The following GLYAT variants were observed in gnomAD, a reference collection of about 807,000 sequenced individuals.
GLYAT encodes glycine-N-acyltransferase, also known as glycine N-acyltransferase.
GLYAT carries 25 observed loss-of-function variants against 22.8 expected under a neutral mutation model. The ratio of observed to expected loss-of-function variants is 1.09; its 90% CI spans 0.80 to 1.53. GLYAT has a LOEUF of 1.53. Ranked by LOEUF, GLYAT falls within the 40% of genes most tolerant of loss-of-function variation. The pLI is 0.00. For missense variants in GLYAT, 411 were observed against 353.9 expected, an observed-to-expected ratio of 1.16 and a Z score of -1.29; for synonymous variants, 140 against 122.7, an observed-to-expected ratio of 1.14 and a Z score of -0.93.
At chr11:58,725,151 C>A (rs151256010) in intron 1 of GLYAT, among the ~76,000 whole-genome samples, 1 of 152,100 alleles carries the variant, frequency 6.6e-6, no homozygotes. Context: ...AAACAATTAA[C>A]CTTTCAAAAA....
At chr11:58,720,835 T>G (rs1856740365) in intron 2 of GLYAT, among the ~76,000 whole-genome samples, 1 of 152,164 alleles carries the variant, frequency 6.6e-6, no homozygotes, top group Non-Finnish European at 1.5e-5. Flanking sequence ...TGAAATTTGC[T>G]TGATTAATAA....
intron 2 of GLYAT, among the ~76,000 whole-genome samples, chr11:58,721,576 C>T (rs1856750648): frequency 6.6e-6 from 1 of 152,006 alleles, no homozygotes; most frequent in African/African-American, 2.4e-5. Context: ...AACATGCACA[C>T]ATGAACACAT....
At chr11:58,711,527 G>A (rs1423729567) in intron 4 of GLYAT, among the ~76,000 whole-genome samples, 2 of 152,146 alleles carry the variant, frequency 1.3e-5, no homozygotes, top group Admixed American at 6.5e-5. Flanking sequence ...TTTTACCTAA[G>A]CAAAAACATG....
chr11:58,731,314 A>T (rs1352852964), intron 1 of GLYAT, among the ~76,000 whole-genome samples: 1 of 152,196 alleles, frequency 6.6e-6, no homozygotes, highest in Non-Finnish European at 1.5e-5. Flanking sequence ...ACCTGCTTCC[A>T]AGAAGCTCTC....
intron 2 of GLYAT, among the ~76,000 whole-genome samples, chr11:58,722,973 AATGCTATTTCCTC>A (rs1210665951): frequency 6.6e-6 from 1 of 152,040 alleles, no homozygotes; most frequent in Non-Finnish European, 1.5e-5. Context: ...AAAGAGGAGG[AATGCTATTTCCTC>A]ATGAAAGGGA....
chr11:58,717,030 A>G (rs1856689650), intron 2 of GLYAT, among the ~76,000 whole-genome samples: 1 of 152,134 alleles, frequency 6.6e-6, no homozygotes, highest in South Asian at 2.1e-4. Context: ...CAAAGGAGGC[A>G]ATCAGATATA....
chr11:58,713,415 A>G (rs1856640930), intron 3 of GLYAT, among the ~76,000 whole-genome samples: 1 of 152,162 alleles, frequency 6.6e-6, no homozygotes, highest in East Asian at 1.9e-4. Context: ...ATCATCCTCA[A>G]CAGGAAGAAG....
chr11:58,723,483 A>G (rs906129191), intron 2 of GLYAT, among the ~76,000 whole-genome samples: 1 of 152,110 alleles, frequency 6.6e-6, no homozygotes, highest in African/African-American at 2.4e-5. Flanking sequence ...CAAATAAAAG[A>G]ATGCTAATAT....
At chr11:58,711,112 T>C (rs546947878) in intron 4 of GLYAT, among the ~76,000 whole-genome samples, 141 of 152,364 alleles carry the variant, frequency 9.3e-4, no homozygotes, top group African/African-American at 3.2e-3. Flanking sequence ...GGCATACTTA[T>C]ACTGGTCCAA....
intron 1 of GLYAT, among the ~76,000 whole-genome samples, chr11:58,727,223 G>A (rs1192387764): frequency 1.3e-5 from 2 of 152,128 alleles, no homozygotes; most frequent in Non-Finnish European, 2.9e-5. Flanking sequence ...AAGCTTGTAG[G>A]ATAAAAACAC....
At chr11:58,728,941 G>T (rs188551272) in intron 1 of GLYAT, among the ~76,000 whole-genome samples, 1 of 140,944 alleles carries the variant, frequency 7.1e-6, no homozygotes, top group Non-Finnish European at 1.6e-5. Context: ...AAGGAAGGAA[G>T]GAAGGAGAGA....
At chr11:58,729,187 C>G (rs1260839352) in intron 1 of GLYAT, among the ~76,000 whole-genome samples, 1 of 152,120 alleles carries the variant, frequency 6.6e-6, no homozygotes, top group Non-Finnish European at 1.5e-5. Context: ...TCTGGTCTTT[C>G]TACATTTATT....
intron 1 of GLYAT, among the ~76,000 whole-genome samples, chr11:58,730,700 G>A (rs1338110908): frequency 6.6e-6 from 1 of 152,160 alleles, no homozygotes; most frequent in South Asian, 2.1e-4. Context: ...CCCACAGCAA[G>A]TTAAAGGTTA....
Position 58,728,851 on chromosome 11 carries a change from G to GAAAGAAAGA in GLYAT, c.-16+2983_-16+2984insTCTTTCTTT, listed in dbSNP as rs370676185. 8.8e-5 allele frequency: 8 copies of GAAAGAAAGA among 90,722 alleles called. No homozygotes were observed. In the East Asian group the frequency reaches 2.7e-3, roughly 31 times the overall value. 5.6% of individuals were successfully genotyped at this position (90,722 alleles called of 1,614,324 possible). A position where few individuals can be genotyped will look rare whatever the true frequency, so the allele number is the denominator to read the frequency against. Reference sequence around the variant, plus strand: ...AAGAAAAAGAAAAAAAGGAAAGAAAGAAGAAAGAAAGAAAGAAAGAAAGAA... The same window carrying GAAAGAAAGA: ...AAGAAAAAGAAAAAAAGGAAAGAAAGAAAGAAAGAAAGAAAGAAAGAAAGAAAGAAAGAA... On this transcript the variant is annotated intron_variant, in intron 1 of 5. Transcript: ENST00000344743.
chr11:58,721,700 C>T lies in GLYAT; in HGVS notation c.81+2716G>A, dbSNP rs555866677. On this transcript the variant is annotated intron_variant, in intron 2 of 5. Transcript: ENST00000344743. Reference sequence around the variant, plus strand: ...ATATTTCAGTTAGGACCAAATGCTGCTTTTTCAGAAGTACAGCCATTGCTC... The same window carrying T: ...ATATTTCAGTTAGGACCAAATGCTGTTTTTTCAGAAGTACAGCCATTGCTC... 3.3e-5 allele frequency among the ~76,000 whole-genome samples: 5 copies of T among 152,110 alleles called. No individual in the cohort carries two copies. The South Asian group carries it at 1.0e-3, about 32-fold the overall frequency.
intron 5 of GLYAT, chr11:58,710,376 G>T (rs1185891301): frequency 6.0e-6 from 5 of 829,818 alleles, no homozygotes; most frequent in Non-Finnish European, 9.1e-6. Context: ...GGTCCAAGTG[G>T]TAGCCAGAGG....
At position 58,712,892 on chromosome 11, in the gene GLYAT, A is replaced by G. The variant is rs760461935; in HGVS notation, c.190-6T>C. The G allele has an allele frequency of 2.0e-5, 31 of 1,571,166 alleles. No homozygotes were observed. In the Admixed American group the frequency reaches 3.7e-4, roughly 19 times the overall value. ...TCAAGGTCATCTGTCATATCCTGTT[A>G]TCATTAGGAAAAAGGAAATAAAACA... is the stretch of plus-strand genomic sequence containing the variant. On this transcript the variant is annotated splice_polypyrimidine_tract_variant and splice_region_variant and intron_variant, in intron 3 of 5. Transcript: ENST00000344743.
At chr11:58,724,332 G>A (rs1856788267) in intron 2 of GLYAT, 84 bp downstream of exon 2, 2 of 654,918 alleles carry the variant, frequency 3.1e-6, no homozygotes, top group Admixed American at 4.8e-5. Flanking sequence ...CTCAAAATAG[G>A]TGCATCATAA....
intron 2 of GLYAT, among the ~76,000 whole-genome samples, chr11:58,723,878 C>G (rs1270435875): frequency 1.3e-5 from 2 of 151,908 alleles, no homozygotes; most frequent in Non-Finnish European, 2.9e-5. Context: ...GGAGCTAGCC[C>G]TAAAGTAACT....
Sources: gnomAD v4.1 joint callset for allele counts (sites outside exome capture counted in the v4.1 genomes callset) on GRCh38, gnomAD v4.1.1 for gene constraint, MANE v1.5 for transcripts, NCBI Gene and HGNC (gene_info 2026-07-23, HGNC 2026-07-21) for gene names.